GABRG3: variants seen among roughly 807,000 people sequenced by gnomAD.
The protein encoded by GABRG3 is gamma-aminobutyric acid receptor subunit gamma-3.
Under a neutral mutation model 48.8 loss-of-function variants are expected in GABRG3, and 25 were observed. The ratio of observed to expected loss-of-function variants is 0.51; its 90% CI spans 0.37 to 0.72. The LOEUF is 0.72. Among genes scored for constraint, GABRG3 ranks in the 30% least tolerant of loss-of-function variants. GABRG3 has a pLI of 0.00. For synonymous variants in GABRG3, 227 were observed against 217.6 expected, an observed-to-expected ratio of 1.04 and a Z score of -0.38; for missense variants, 394 against 577.9, an observed-to-expected ratio of 0.68 and a Z score of 3.26.
rs375626831 is a variant in GABRG3 at position 26,971,553 on chromosome 15, G to C, written c.18G>C (p.Leu6=). MAPKL[L]LLLCLFSGLH... ...ACGGCACCATGGCCCCGAAGCTGCT[G>C]CTCCTCCTCTGCCTGTTCTCGGGCT... Residue 6 remains leucine (L), a synonymous_variant, in exon 1 of 10, where the codon CTG becomes CTC. Coordinates refer to ENST00000615808, the MANE Select transcript of GABRG3 (RefSeq NM_033223.5). 1.3e-4 allele frequency: 202 copies of C among 1,530,920 alleles called. No homozygotes were observed. Among genetic ancestry groups the C allele is most frequent in the Non-Finnish European group, 1.7e-4 (191 of 1,139,510 alleles). The allele number at this position is 1,530,920 out of a possible 1,614,324, so 94.8% of individuals were successfully genotyped here.
intron 3 of GABRG3, among the ~76,000 whole-genome samples, chr15:27,260,380 C>G (rs1890734952): frequency 6.6e-6 from 1 of 152,152 alleles, no homozygotes. Context: ...AAGGCTCTAT[C>G]TCTAAACACA....
In GABRG3 at chr15:27,229,361, C is replaced by A. The variant is rs1024344378; in HGVS notation, c.271-97448C>A. 3.3e-5 allele frequency among the ~76,000 whole-genome samples: 5 copies of A among 152,012 alleles called. 1 individual carries two copies. The South Asian group carries it at 1.0e-3, about 32-fold the overall frequency. On this transcript the variant is annotated intron_variant, in intron 3 of 9. Coordinates refer to ENST00000615808, the MANE Select transcript of GABRG3 (RefSeq NM_033223.5). ...AGTTTTCCCCATGGCTTGTTTTTTTCAGCTTTGTCAAAGATCAGATGCTAT... is the reference window on the plus strand; with the variant it reads ...AGTTTTCCCCATGGCTTGTTTTTTTAAGCTTTGTCAAAGATCAGATGCTAT...
In GABRG3 at chr15:27,534,992, G is replaced by A. The variant is rs1891515724; in HGVS notation, c.*2111G>A. The A allele has an allele frequency of 6.6e-6, 1 of 152,142 alleles. No individual in the cohort carries two copies. The highest frequency in any genetic ancestry group is 2.4e-5 in the African/African-American group (1 of 41,436). 9.4% of individuals were successfully genotyped at this position (152,142 alleles called of 1,614,324 possible). ...ACAGGTTGAAAATATTGTCTTAGAT[G>A]CAATGTCTCCTCTATTGGAGAATTT... On this transcript the variant is annotated 3_prime_UTR_variant, in exon 10 of 10. Coordinates refer to ENST00000615808, the MANE Select transcript of GABRG3 (RefSeq NM_033223.5).
intron 3 of GABRG3, among the ~76,000 whole-genome samples, chr15:27,237,623 A>G (rs7179956): frequency 0.18 from 27,281 of 152,236 alleles, 2,982 homozygotes; most frequent in African/African-American, 0.31. Flanking sequence ...GTGTCACAGA[A>G]TAAGTGCAAA....
At chr15:27,403,614 A>T (rs1887535599) in intron 5 of GABRG3, among the ~76,000 whole-genome samples, 1 of 152,114 alleles carries the variant, frequency 6.6e-6, no homozygotes, top group Admixed American at 6.6e-5. Context: ...TGAATTCAAA[A>T]TGCTTTTAAA....
intron 5 of GABRG3, among the ~76,000 whole-genome samples, chr15:27,351,891 G>C (rs111207223): frequency 0.018 from 2,651 of 148,834 alleles, 85 homozygotes; most frequent in African/African-American, 0.062. Context: ...TGATGTGTGT[G>C]TATGGTGTAT....
intron 3 of GABRG3, among the ~76,000 whole-genome samples, chr15:27,241,147 A>G (rs141646737): frequency 6.6e-6 from 1 of 152,334 alleles, no homozygotes; most frequent in Non-Finnish European, 1.5e-5. Context: ...TGAAGAGGCA[A>G]CTATGAATTA....
In GABRG3 at chr15:27,373,876, T is replaced by C. The variant is rs909577059; in HGVS notation, c.574+44988T>C. Among the ~76,000 whole-genome samples the C allele has an allele frequency of 6.7e-4, 102 of 152,174 alleles. 1 individual carries two copies. The East Asian group carries it at 0.019, about 28-fold the overall frequency. ...GATCAGGTCAGCTGATGTTTTTTGT[T>C]TTTTTTCTCTGAAACACTATTACGT... On this transcript the variant is annotated intron_variant, in intron 5 of 9. Coordinates refer to ENST00000615808, the MANE Select transcript of GABRG3 (RefSeq NM_033223.5).
chr15:27,125,840 G>A (rs1361233674), intron 3 of GABRG3, among the ~76,000 whole-genome samples: 4 of 152,240 alleles, frequency 2.6e-5, no homozygotes, highest in Non-Finnish European at 4.4e-5. Flanking sequence ...TGTGGCACTC[G>A]TCCTCAAGTC....
chr15:27,359,386 G>T (rs1026975962), intron 5 of GABRG3, among the ~76,000 whole-genome samples: 1 of 152,168 alleles, frequency 6.6e-6, no homozygotes, highest in African/African-American at 2.4e-5. Flanking sequence ...TGGTGTGTTT[G>T]ATTTTATTCA....
At chr15:27,087,562 A>G (rs556121173) in intron 3 of GABRG3, among the ~76,000 whole-genome samples, 1 of 152,314 alleles carries the variant, frequency 6.6e-6, no homozygotes, top group East Asian at 1.9e-4. Flanking sequence ...AAGCAGGAAA[A>G]GGAAGTAAGG....
chr15:27,085,767 CA>C (rs1329809975), intron 3 of GABRG3, among the ~76,000 whole-genome samples: 3 of 152,146 alleles, frequency 2.0e-5, no homozygotes, highest in African/African-American at 7.2e-5. Flanking sequence ...TTGAAAATAT[CA>C]AAATGCTAAT....
rs570031879 is a variant in GABRG3, at chr15:26,982,973, A to G, written c.202+5823A>G. Among the ~76,000 whole-genome samples, 12 of 152,250 alleles carry G rather than the reference A, an allele frequency of 7.9e-5. No homozygotes were observed. The South Asian group carries it at 1.9e-3, about 24-fold the overall frequency. The stretch of plus-strand genomic sequence containing the variant: ...GTCTCATTTAAATGCTAAATCACGT[A>G]TCATTGGCAGAACCCAGCAACTTGA... On this transcript the variant is annotated intron_variant, in intron 2 of 9. Coordinates refer to ENST00000615808, the MANE Select transcript of GABRG3 (RefSeq NM_033223.5).
At chr15:27,247,971 A>T (rs1273065423) in intron 3 of GABRG3, among the ~76,000 whole-genome samples, 1 of 152,210 alleles carries the variant, frequency 6.6e-6, no homozygotes, top group African/African-American at 2.4e-5. Context: ...CCAAACCATA[A>T]CGCATGACTA....
intron 6 of GABRG3, among the ~76,000 whole-genome samples, chr15:27,516,922 G>T (rs563174812): frequency 6.6e-6 from 1 of 152,284 alleles, no homozygotes; most frequent in African/African-American, 2.4e-5. Flanking sequence ...CAAGTTTCAG[G>T]TCCTGACTTT....
chr15:27,186,550 A>G (rs769674908), intron 3 of GABRG3, among the ~76,000 whole-genome samples: 4 of 152,188 alleles, frequency 2.6e-5, no homozygotes, highest in Admixed American at 6.6e-5. Flanking sequence ...ATTGCTGGGT[A>G]TAATGGTAGT....
rs142215584 is a variant in GABRG3 at position 27,287,170 on chromosome 15, C to T, written c.271-39639C>T. On this transcript the variant is annotated intron_variant, in intron 3 of 9. Coordinates refer to ENST00000615808, the MANE Select transcript of GABRG3 (RefSeq NM_033223.5). ...GCCTATGTATCCTTCAGCACATTTT[C>T]TGTGTATATTTTGCACCCCTGTTGC... is the stretch of plus-strand genomic sequence containing the variant. Among the ~76,000 whole-genome samples the T allele has an allele frequency of 3.0e-3, 454 of 152,242 alleles. 5 individuals carry two copies. Among genetic ancestry groups the T allele is most frequent in the African/African-American group, 0.01 (431 of 41,518 alleles).
chr15:27,506,232 G>A (rs1228306627), intron 6 of GABRG3, among the ~76,000 whole-genome samples: 2 of 152,160 alleles, frequency 1.3e-5, no homozygotes, highest in African/African-American at 2.4e-5. Flanking sequence ...CTGTGAACTT[G>A]ATGGATTTGA....
At chr15:27,338,527 C>T (rs1359252681) in intron 5 of GABRG3, among the ~76,000 whole-genome samples, 1 of 152,164 alleles carries the variant, frequency 6.6e-6, no homozygotes, top group African/African-American at 2.4e-5. Context: ...GTTCACGGCA[C>T]TCGCATCCTT....
Sources: gnomAD v4.1 joint callset for allele counts (sites outside exome capture counted in the v4.1 genomes callset) on GRCh38, gnomAD v4.1.1 for gene constraint, MANE v1.5 for transcripts, NCBI Gene and HGNC (gene_info 2026-07-23, HGNC 2026-07-21) for gene names.